KIF20B: variants seen among roughly 807,000 people sequenced by gnomAD.
The protein encoded by KIF20B is kinesin-like protein KIF20B.
A neutral mutation model predicts 232.5 loss-of-function variants in KIF20B; 188 were observed. That is an observed-to-expected ratio of 0.81 (90% confidence interval 0.72 to 0.91). KIF20B has a LOEUF of 0.91. KIF20B is among the 40% of genes least tolerant of loss of function. KIF20B has a pLI of 0.00. For missense variants in KIF20B, 2,154 were observed against 2,055.9 expected, an observed-to-expected ratio of 1.05 and a Z score of -0.92; for synonymous variants, 712 against 683.0, an observed-to-expected ratio of 1.04 and a Z score of -0.66.
chr10:89,762,895 T>C (rs1589883018), intron 29 of KIF20B, 60 bp downstream of exon 29: 2 of 1,289,964 alleles, frequency 1.6e-6, no homozygotes, highest in Non-Finnish European at 2.2e-6. Context: ...GCTGTTATAG[T>C]ATAGAGTTAA....
chr10:89,729,796 A>G (rs1235495843), intron 18 of KIF20B, among the ~76,000 whole-genome samples: 1 of 152,204 alleles, frequency 6.6e-6, no homozygotes, highest in Non-Finnish European at 1.5e-5. Context: ...TCAGCTTAGA[A>G]TGATCAGCTT....
intron 10 of KIF20B, 29 bp downstream of exon 10, chr10:89,717,524 A>G (rs1282986932): frequency 6.3e-7 from 1 of 1,582,508 alleles, no homozygotes; most frequent in African/African-American, 1.4e-5. Context: ...AAATTTAATT[A>G]TTTGTAATTG....
chr10:89,712,071 C>T (rs949806110), intron 6 of KIF20B, among the ~76,000 whole-genome samples: 2 of 150,328 alleles, frequency 1.3e-5, no homozygotes, highest in Non-Finnish European at 3.0e-5. Flanking sequence ...GAATTTTTTC[C>T]TGTGAATTGT....
intron 24 of KIF20B, among the ~76,000 whole-genome samples, chr10:89,752,343 G>A (rs1842037730): frequency 6.6e-6 from 1 of 151,962 alleles, no homozygotes; most frequent in Non-Finnish European, 1.5e-5. Context: ...ACTATACTGT[G>A]AATACTATTC....
At position 89,717,507 on chromosome 10, in the gene KIF20B, AT is replaced by A. The variant is rs1191663212; in HGVS notation, c.1124+14del. The stretch of plus-strand genomic sequence containing the variant: ...ATTCGAGTCAGTGAGTAAGTTGAAT[AT>A]TCTTTAAATTTAATTATTTGTAATT... On this transcript the variant is annotated intron_variant, in intron 10 of 32. Transcript: ENST00000371728. 1.9e-6 allele frequency: 3 copies of A among 1,585,360 alleles called. No homozygotes were observed. Among genetic ancestry groups the A allele is most frequent in the Admixed American group, 1.7e-5 (1 of 58,224 alleles).
chr10:89,758,184 A>C (rs1225740439), intron 26 of KIF20B, among the ~76,000 whole-genome samples: 1 of 151,988 alleles, frequency 6.6e-6, no homozygotes, highest in Non-Finnish European at 1.5e-5. Context: ...ATCTATTTGG[A>C]GGAGACATCT....
chr10:89,709,098 T>C, intron 2 of KIF20B, 69 bp from the exon 3 acceptor site: 1 of 1,055,150 alleles, frequency 9.5e-7, no homozygotes, highest in Non-Finnish European at 1.4e-6. Context: ...GTAGCCATGT[T>C]AAGGAAAAAT....
At chr10:89,723,556 C>T (rs1589858814) in intron 13 of KIF20B, 1 of 152,700 alleles carries the variant, frequency 6.5e-6, no homozygotes, top group South Asian at 2.1e-4. Flanking sequence ...TTAAACTCAA[C>T]CTTTAGCATT....
At chr10:89,724,894 C>G in intron 14 of KIF20B, 126 bp from the exon 15 acceptor site, 1 of 863,470 alleles carries the variant, frequency 1.2e-6, no homozygotes, top group East Asian at 2.7e-5. Context: ...GGATTACAGG[C>G]GTGAACCACT....
intron 8 of KIF20B, 56 bp from the exon 9 acceptor site, chr10:89,716,380 G>A (rs1842934058): frequency 3.9e-6 from 3 of 761,838 alleles, no homozygotes; most frequent in Non-Finnish European, 6.5e-6. Flanking sequence ...AGATTACATT[G>A]TAGAACACAT....
At position 89,705,403 on chromosome 10, in the gene KIF20B, C is replaced by T. The variant is rs750282659; in HGVS notation, c.109C>T (p.Leu37=). ...EINFDGIKLD[L]SHEFSLVAPN... is the part of the protein sequence containing the mutation. ...AAATTTCGATGGCATTAAGCTTGAT[C>T]TGTCTCATGAATTTTCCTTAGTTGC... The change falls in exon 2 of 33, where the codon CTG becomes TTG. Residue 37 remains leucine (L), a synonymous_variant. Coordinates refer to ENST00000371728, the MANE Select transcript of KIF20B (RefSeq NM_001284259.2). The T allele has an allele frequency of 3.1e-6, 5 of 1,614,042 alleles. No individual in the cohort carries two copies. The South Asian group carries it at 5.5e-5, about 18-fold the overall frequency.
chr10:89,721,996 C>T (rs144194886), intron 13 of KIF20B, among the ~76,000 whole-genome samples: 4 of 152,198 alleles, frequency 2.6e-5, no homozygotes, highest in African/African-American at 4.8e-5. Flanking sequence ...ACTGCAGCTT[C>T]GAAATCCTGG....
intron 21 of KIF20B, among the ~76,000 whole-genome samples, chr10:89,739,386 A>G (rs1241421916): frequency 8.5e-5 from 13 of 152,188 alleles, no homozygotes; most frequent in Admixed American, 7.9e-4. Context: ...TTGTTTACAG[A>G]TAGTACTTAG....
chr10:89,728,929 GTGTGTGTGTGTGTGTGTGTA>G (rs1376377753), intron 17 of KIF20B, among the ~76,000 whole-genome samples, 179 bp from the exon 18 acceptor site: 2,009 of 140,408 alleles, frequency 0.014, 44 homozygotes, highest in African/African-American at 0.053. Context: ...GTGTGTGTGT[GTGTGTGTGTGTGTGTGTGTA>G]TGTAATTTTT....
intron 2 of KIF20B, among the ~76,000 whole-genome samples, chr10:89,705,683 GTTTA>G (rs1190157818): frequency 6.6e-6 from 1 of 152,156 alleles, no homozygotes; most frequent in African/African-American, 2.4e-5. Context: ...GTGCTTATTG[GTTTA>G]TTTATTTACT....
rs1177726249 is a variant in KIF20B, at chr10:89,709,878, A to C, written c.352-49A>C. ...AGTGTTGGGATGGAACACACTATTA[A>C]TATTAACTTGAATTTTCTAAAAAGA... On this transcript the variant is annotated intron_variant, in intron 4 of 32. Transcript: ENST00000371728. 2.0e-6 allele frequency: 3 copies of C among 1,496,358 alleles called. No individual in the cohort carries two copies. The East Asian group carries it at 6.9e-5, about 34-fold the overall frequency. The allele number at this position is 1,496,358 out of a possible 1,614,324, so 92.7% of individuals were successfully genotyped here.
intron 10 of KIF20B, 38 bp downstream of exon 10, chr10:89,717,533 T>C: frequency 1.3e-6 from 2 of 1,586,644 alleles, no homozygotes; most frequent in African/African-American, 1.4e-5. Flanking sequence ...TATTTGTAAT[T>C]GTTTTGAAGA....
chr10:89,703,950 A>G (rs966113003), intron 1 of KIF20B, among the ~76,000 whole-genome samples: 1 of 151,936 alleles, frequency 6.6e-6, no homozygotes, highest in Non-Finnish European at 1.5e-5. Flanking sequence ...TCGGGGTTTC[A>G]CCATGTTGGC....
intron 19 of KIF20B, among the ~76,000 whole-genome samples, chr10:89,736,821 G>A (rs750873265): frequency 6.6e-5 from 10 of 152,040 alleles, no homozygotes; most frequent in East Asian, 1.9e-4. Context: ...GGAAACAGTC[G>A]TAGTATGAAG....
Sources: allele counts gnomAD v4.1 joint callset (sites outside exome capture counted in the v4.1 genomes callset), GRCh38; gene constraint gnomAD v4.1.1; transcripts MANE v1.5; gene names NCBI Gene and HGNC (gene_info 2026-07-23, HGNC 2026-07-21).